Variants in CENPW observed in about 807,000 individuals in gnomAD.
CENPW encodes cancer-up-regulated gene 2 protein.
Under a neutral mutation model 11.1 loss-of-function variants are expected in CENPW, and 3 were observed. The observed-to-expected ratio is 0.27, with a 90% CI of 0.12 to 0.70. CENPW has a LOEUF of 0.70. Ranked by LOEUF, CENPW falls within the 30% of genes least tolerant of loss-of-function variation. CENPW has a pLI of 0.77. For missense variants in CENPW, 100 were observed against 105.6 expected (o/e 0.95, Z 0.23); for synonymous variants, 38 against 42.0 (o/e 0.91, Z 0.37).
chr6:126,408,030 G>T, the CENPW span, among the ~76,000 whole-genome samples: 1 of 152,178 alleles, frequency 6.6e-6, no homozygotes, highest in African/African-American at 2.4e-5. Context: ...AATGGTATTT[G>T]CCTAGATTTT....
the CENPW span, among the ~76,000 whole-genome samples, chr6:126,379,828 A>G: frequency 1.3e-5 from 2 of 152,374 alleles, no homozygotes; most frequent in Non-Finnish European, 2.9e-5. Flanking sequence ...TAATTCCATG[A>G]AAAGTATAAT....
chr6:126,426,202 T>C, the CENPW span, among the ~76,000 whole-genome samples: 1 of 152,144 alleles, frequency 6.6e-6, no homozygotes, highest in African/African-American at 2.4e-5. Context: ...AGATGTTAGC[T>C]CTGTTAACAG....
the CENPW span, among the ~76,000 whole-genome samples, chr6:126,475,298 T>C: frequency 6.6e-6 from 1 of 152,100 alleles, no homozygotes; most frequent in Non-Finnish European, 1.5e-5. Context: ...TAGTGGATTA[T>C]TTGTAACTCA....
the CENPW span, among the ~76,000 whole-genome samples, chr6:126,380,785 G>A: frequency 1.3e-5 from 2 of 152,146 alleles, no homozygotes; most frequent in Non-Finnish European, 1.5e-5. Flanking sequence ...GCAGTTTAAA[G>A]TTTGTCAAAT....
chr6:126,469,784 A>G, the CENPW span, among the ~76,000 whole-genome samples: 6 of 152,198 alleles, frequency 3.9e-5, no homozygotes, highest in Non-Finnish European at 2.9e-5. Flanking sequence ...AGAGAATGGC[A>G]GCATTTTGCC....
At chr6:126,383,332 A>C in the CENPW span, among the ~76,000 whole-genome samples, 1 of 152,210 alleles carries the variant, frequency 6.6e-6, no homozygotes, top group Admixed American at 6.5e-5. Context: ...ACTTCAGTAC[A>C]TAGACCAGTG....
At chr6:126,394,945 G>T in the CENPW span, among the ~76,000 whole-genome samples, 16 of 151,978 alleles carry the variant, frequency 1.1e-4, no homozygotes, top group East Asian at 3.9e-4. Flanking sequence ...GAACTCCATT[G>T]TATGTTATTT....
chr6:126,478,556 G>A, the CENPW span, among the ~76,000 whole-genome samples: 1 of 151,854 alleles, frequency 6.6e-6, no homozygotes, highest in Admixed American at 6.6e-5. Flanking sequence ...ATTTGTCCCT[G>A]AATCCTTTTC....
At chr6:126,429,640 T>C in the CENPW span, among the ~76,000 whole-genome samples, 1 of 152,226 alleles carries the variant, frequency 6.6e-6, no homozygotes, top group Non-Finnish European at 1.5e-5. Flanking sequence ...ATTAAAACTC[T>C]TTTCTTTATA....
At chr6:126,460,262 A>G in the CENPW span, among the ~76,000 whole-genome samples, 56 of 151,802 alleles carry the variant, frequency 3.7e-4, no homozygotes, top group African/African-American at 1.4e-3. Flanking sequence ...GGGACCCTTA[A>G]TTTAAGATTT....
the CENPW span, among the ~76,000 whole-genome samples, chr6:126,356,407 C>T: frequency 3.9e-5 from 6 of 152,084 alleles, no homozygotes; most frequent in South Asian, 1.0e-3. Flanking sequence ...GAAGGAGATA[C>T]GGGACAGCGG....
At chr6:126,404,359 A>T in the CENPW span, among the ~76,000 whole-genome samples, 1 of 152,094 alleles carries the variant, frequency 6.6e-6, no homozygotes, top group Non-Finnish European at 1.5e-5. Context: ...CTTCTAATGG[A>T]TCTGAGCAAA....
the CENPW span, among the ~76,000 whole-genome samples, chr6:126,378,943 C>T: frequency 2.6e-5 from 4 of 151,860 alleles, no homozygotes; most frequent in African/African-American, 9.7e-5. Flanking sequence ...ATTTAACCTT[C>T]TATTGCATAT....
chr6:126,424,534 CAGTT>C, the CENPW span, among the ~76,000 whole-genome samples: 1 of 152,114 alleles, frequency 6.6e-6, no homozygotes, highest in Non-Finnish European at 1.5e-5. Flanking sequence ...TAAGACCACA[CAGTT>C]AGCCTCAATG....
the CENPW span, among the ~76,000 whole-genome samples, chr6:126,356,699 A>G: frequency 6.6e-6 from 1 of 152,024 alleles, no homozygotes; most frequent in African/African-American, 2.4e-5. Context: ...GATGATGAAT[A>G]CCTTTTCATA....
At chr6:126,475,845 G>T in the CENPW span, among the ~76,000 whole-genome samples, 7 of 151,958 alleles carry the variant, frequency 4.6e-5, no homozygotes, top group African/African-American at 1.7e-4. Context: ...CACCACTCTT[G>T]ATAGGTTCGG....
chr6:126,438,021 C>CT, the CENPW span, among the ~76,000 whole-genome samples: 52 of 147,718 alleles, frequency 3.5e-4, no homozygotes, highest in South Asian at 8.6e-4. Context: ...GGGAGATTGG[C>CT]TTTTTTTTTT....
At chr6:126,448,003 G>A in the CENPW span, among the ~76,000 whole-genome samples, 6 of 151,336 alleles carry the variant, frequency 4.0e-5, no homozygotes, top group East Asian at 1.2e-3. Flanking sequence ...ATAGCCAGGT[G>A]AGTCTCTATT....
chr6:126,401,077 C>T, the CENPW span, among the ~76,000 whole-genome samples: 1 of 152,002 alleles, frequency 6.6e-6, no homozygotes, highest in East Asian at 1.9e-4. Context: ...ATCATGTTTT[C>T]CTCTTACTTT....
Sources: gnomAD v4.1 joint callset for allele counts (sites outside exome capture counted in the v4.1 genomes callset) on GRCh38, gnomAD v4.1.1 for gene constraint, MANE v1.5 for transcripts, NCBI Gene and HGNC (gene_info 2026-07-23, HGNC 2026-07-21) for gene names.